The following ZNF438 variants were observed in gnomAD, a reference collection of about 807,000 sequenced individuals.
The protein encoded by ZNF438 is zinc finger protein 438.
ZNF438 carries 25 observed loss-of-function variants against 38.0 expected under a neutral mutation model. The observed-to-expected ratio is 0.66, with a 90% CI of 0.48 to 0.92. ZNF438 has a LOEUF of 0.92. Ranked by LOEUF, ZNF438 falls within the 40% of genes least tolerant of loss-of-function variation. The pLI is 0.00. For missense variants in ZNF438, 1,007 were observed against 999.6 expected (o/e 1.01, Z -0.10); for synonymous variants, 372 against 364.1 (o/e 1.02, Z -0.25).
chr10:30,978,506 C>G, intron 1 of ZNF438, among the ~76,000 whole-genome samples: 1 of 152,008 alleles, frequency 6.6e-6, no homozygotes, highest in East Asian at 1.9e-4. Context: ...TTTAAGTGTA[C>G]TTTTCAGTGG....
At chr10:30,950,808 C>A (rs1404795117) in intron 1 of ZNF438, among the ~76,000 whole-genome samples, 1 of 114,848 alleles carries the variant, frequency 8.7e-6, no homozygotes, top group African/African-American at 3.6e-5. Context: ...CAGCTGAATT[C>A]TACCAGAGGT....
chr10:30,984,247 TGAAGA>T (rs1178905601), intron 1 of ZNF438, 117 bp downstream of exon 2: 3 of 152,172 alleles, frequency 2.0e-5, no homozygotes, highest in Non-Finnish European at 4.4e-5. Context: ...AATGTTATAC[TGAAGA>T]GAAAAGAGTT....
At chr10:30,869,491 T>A (rs982057400) in intron 4 of ZNF438, among the ~76,000 whole-genome samples, 6 of 152,176 alleles carry the variant, frequency 3.9e-5, no homozygotes, top group African/African-American at 1.4e-4. Flanking sequence ...AATATTTTAT[T>A]TCAACTTCCA....
intron 1 of ZNF438, among the ~76,000 whole-genome samples, chr10:30,966,625 G>C (rs1420129715): frequency 6.7e-6 from 1 of 149,142 alleles, no homozygotes; most frequent in Non-Finnish European, 1.5e-5. Flanking sequence ...AGCTGAGATT[G>C]CGCCACTGCA....
Position 30,902,489 on chromosome 10 carries a change from T to C in ZNF438, c.-32+6444A>G, listed in dbSNP as rs1462439678. Among the ~76,000 whole-genome samples, 14 of 152,212 alleles carry C rather than the reference T, an allele frequency of 9.2e-5. No homozygotes were observed. In the East Asian group the frequency reaches 2.7e-3, roughly 29 times the overall value. On this transcript the variant is annotated intron_variant, in intron 3 of 5. Transcript: ENST00000413025. ...AAAGATTCTCCAAGTCCCCACCAGA[T>C]TAGCTAGACACAGAGCACTGACTGG...
intron 1 of ZNF438, chr10:30,999,483 G>GT (rs1269623803): frequency 6.6e-6 from 1 of 152,310 alleles, no homozygotes; most frequent in Non-Finnish European, 1.5e-5. Context: ...CTTCTTGTAG[G>GT]TCACCACCAC....
intron 1 of ZNF438, among the ~76,000 whole-genome samples, chr10:30,994,437 C>A (rs191307180): frequency 6.6e-6 from 1 of 152,142 alleles, no homozygotes; most frequent in African/African-American, 2.4e-5. Context: ...TGGGTTATCA[C>A]GCAGGTAGGC....
chr10:30,862,144 G>A (rs1448759930), intron 4 of ZNF438, among the ~76,000 whole-genome samples: 1 of 152,132 alleles, frequency 6.6e-6, no homozygotes, highest in Non-Finnish European at 1.5e-5. Context: ...ACCTGTGCAC[G>A]CTGTCCTTCC....
intron 2 of ZNF438, 47 bp from the exon 4 acceptor site, chr10:30,909,062 A>G (rs1002377002): frequency 6.6e-6 from 1 of 152,208 alleles, no homozygotes; most frequent in African/African-American, 2.4e-5. Flanking sequence ...GAAAACTACA[A>G]AACAGTATTA....
intron 2 of ZNF438, chr10:30,923,456 A>C (rs185082641): frequency 6.6e-6 from 1 of 152,352 alleles, no homozygotes; most frequent in East Asian, 1.9e-4. Context: ...AACTATAATT[A>C]CTAACATAAC....
chr10:30,966,441 C>T (rs1366104251), intron 1 of ZNF438, among the ~76,000 whole-genome samples: 6 of 151,962 alleles, frequency 3.9e-5, no homozygotes, highest in East Asian at 1.9e-4. Flanking sequence ...AAGGCCGAGG[C>T]GGGTGGATCA....
At chr10:30,890,559 G>C (rs2040555606) in intron 3 of ZNF438, among the ~76,000 whole-genome samples, 1 of 152,118 alleles carries the variant, frequency 6.6e-6, no homozygotes, top group Non-Finnish European at 1.5e-5. Context: ...TACTGCCTTA[G>C]GTCAGGTCCT....
chr10:30,926,000 A>C (rs993497127), intron 2 of ZNF438, among the ~76,000 whole-genome samples: 2 of 152,222 alleles, frequency 1.3e-5, no homozygotes, highest in Non-Finnish European at 2.9e-5. Flanking sequence ...AAACAGCAGG[A>C]GATGAAGAAA....
At chr10:30,924,013 A>G (rs184748610) in intron 2 of ZNF438, among the ~76,000 whole-genome samples, 12 of 152,370 alleles carry the variant, frequency 7.9e-5, no homozygotes, top group Admixed American at 5.2e-4. Flanking sequence ...GGACTTAGAC[A>G]TAACTTGTTA....
chr10:30,901,423 G>T (rs2041968814), intron 3 of ZNF438, among the ~76,000 whole-genome samples: 1 of 151,802 alleles, frequency 6.6e-6, no homozygotes, highest in Non-Finnish European at 1.5e-5. Context: ...TCCGGAGTTT[G>T]TTCCTTCTGA....
chr10:30,992,968 A>G (rs911632435), intron 1 of ZNF438, among the ~76,000 whole-genome samples: 4 of 152,236 alleles, frequency 2.6e-5, no homozygotes, highest in African/African-American at 9.6e-5. Flanking sequence ...GCAGCAAAAC[A>G]TTCAAGATAC....
rs148323172 is a variant in ZNF438 at position 31,003,558 on chromosome 10, A to G, written c.-192+28275T>C. ...TTAGAAAACATCTGAAAAACAAAGC[A>G]TACTCTGATACTAACCTCATGAAGG... On this transcript the variant is annotated intron_variant, in intron 1 of 5. Coordinates refer to ENST00000413025, the Ensembl canonical transcript of ZNF438. 4.6e-5 allele frequency among the ~76,000 whole-genome samples: 7 copies of G among 152,300 alleles called. No individual in the cohort carries two copies. The East Asian group carries it at 9.6e-4, about 21-fold the overall frequency.
chr10:31,001,915 C>T (rs879928714), intron 1 of ZNF438, among the ~76,000 whole-genome samples: 2 of 152,294 alleles, frequency 1.3e-5, no homozygotes, highest in East Asian at 3.9e-4. Context: ...CAATACAGTG[C>T]CGAATGCAAA....
intron 3 of ZNF438, among the ~76,000 whole-genome samples, chr10:30,889,880 C>G (rs1456986008): frequency 6.6e-6 from 1 of 152,014 alleles, no homozygotes; most frequent in African/African-American, 2.4e-5. Flanking sequence ...ATCATTTAAT[C>G]TTTTTTTCCA....
Sources: allele counts gnomAD v4.1 joint callset (sites outside exome capture counted in the v4.1 genomes callset), GRCh38; gene constraint gnomAD v4.1.1; transcripts MANE v1.5; gene names NCBI Gene and HGNC (gene_info 2026-07-23, HGNC 2026-07-21).